The following WDR7 variants were observed in gnomAD, a reference collection of about 807,000 sequenced individuals.
WDR7 encodes the protein WD repeat domain 7.
WDR7 carries 46 observed loss-of-function variants against 169.4 expected under a neutral mutation model. The observed-to-expected ratio is 0.27, with a 90% CI of 0.21 to 0.35. The LOEUF is 0.35. Among genes scored for constraint, WDR7 ranks in the 10% least tolerant of loss-of-function variants. The probability of loss-of-function intolerance (pLI) is 1.00; values close to 1 mark genes in which losing one functional copy is unlikely to be tolerated. For missense variants in WDR7, 1,534 were observed against 1,859.3 expected (o/e 0.83, Z 3.22); for synonymous variants, 612 against 666.8 (o/e 0.92, Z 1.27).
At chr18:56,961,231 C>G (rs1434676344) in intron 25 of WDR7, among the ~76,000 whole-genome samples, 2 of 152,148 alleles carry the variant, frequency 1.3e-5, no homozygotes, top group Non-Finnish European at 2.9e-5. Context: ...TATCTTGTCT[C>G]TCTCAGCCTC....
At chr18:56,921,234 C>G (rs915564323) in intron 21 of WDR7, among the ~76,000 whole-genome samples, 7 of 152,188 alleles carry the variant, frequency 4.6e-5, no homozygotes, top group Non-Finnish European at 1.0e-4. Flanking sequence ...TAGAGATAGA[C>G]AGGGAGTTTT....
chr18:56,731,501 T>C lies in WDR7; in HGVS notation c.1893T>C (p.Ala631=). The change falls in exon 14 of 28, where the codon GCT becomes GCC. Residue 631 remains alanine, a synonymous_variant. Coordinates refer to ENST00000254442, the MANE Select transcript of WDR7 (RefSeq NM_015285.3). ...LSHPAVNLKQ[A]MTRRSLAALK... is the part of the protein sequence containing the mutation. ...ATCCAGCAGTCAACCTAAAACAAGCTATGACGAGACGTAGTCTTGCTGCTC... is the reference window on the plus strand; with the variant it reads ...ATCCAGCAGTCAACCTAAAACAAGCCATGACGAGACGTAGTCTTGCTGCTC... 1 of 1,614,152 alleles carries C rather than the reference T, an allele frequency of 6.2e-7. No individual in the cohort carries two copies.
intron 14 of WDR7, among the ~76,000 whole-genome samples, chr18:56,746,223 A>G (rs1312311111): frequency 1.3e-5 from 2 of 152,138 alleles, no homozygotes; most frequent in Non-Finnish European, 2.9e-5. Flanking sequence ...AAAATATCCA[A>G]AGATCTGTTA....
chr18:56,788,548 C>CT (rs1482939499), intron 19 of WDR7, among the ~76,000 whole-genome samples: 1 of 152,066 alleles, frequency 6.6e-6, no homozygotes, highest in Non-Finnish European at 1.5e-5. Flanking sequence ...TATACCTAAG[C>CT]TTTAGGTAAG....
At chr18:56,993,572 G>GT (rs2047848783) in intron 26 of WDR7, among the ~76,000 whole-genome samples, 1 of 152,152 alleles carries the variant, frequency 6.6e-6, no homozygotes, top group Admixed American at 6.5e-5. Context: ...ATGCAGAAAT[G>GT]TATCTAATTT....
At chr18:56,763,119 C>G (rs1489961207) in intron 16 of WDR7, among the ~76,000 whole-genome samples, 1 of 151,984 alleles carries the variant, frequency 6.6e-6, no homozygotes, top group African/African-American at 2.4e-5. Context: ...CGCACCACGC[C>G]CAGCTAATTT....
chr18:56,909,139 T>A (rs1440004655), intron 21 of WDR7, among the ~76,000 whole-genome samples: 2 of 152,142 alleles, frequency 1.3e-5, no homozygotes, highest in Non-Finnish European at 2.9e-5. Context: ...ACCCAGTTTG[T>A]TACCCAAGAT....
At chr18:56,824,553 A>T (rs1364214348) in intron 20 of WDR7, among the ~76,000 whole-genome samples, 1 of 152,226 alleles carries the variant, frequency 6.6e-6, no homozygotes, top group Admixed American at 6.5e-5. Context: ...TTACTTAAAC[A>T]CATTTGCTAT....
chr18:56,995,592 G>C (rs1303813724), intron 26 of WDR7, among the ~76,000 whole-genome samples: 2 of 152,014 alleles, frequency 1.3e-5, no homozygotes, highest in East Asian at 3.9e-4. Flanking sequence ...AACTAAATTC[G>C]TAGATTTGCT....
intron 1 of WDR7, among the ~76,000 whole-genome samples, chr18:56,670,281 T>G (rs1439482018): frequency 6.6e-6 from 1 of 152,188 alleles, no homozygotes; most frequent in Admixed American, 6.5e-5. Context: ...TTCTGAAGTT[T>G]CACTTTTATT....
chr18:56,752,306 T>G (rs2043807544), intron 14 of WDR7, among the ~76,000 whole-genome samples: 2 of 152,216 alleles, frequency 1.3e-5, no homozygotes, highest in African/African-American at 4.8e-5. Context: ...CTTCTGTCTT[T>G]GTCCTGTTTC....
At chr18:56,779,314 GTA>G in intron 17 of WDR7, 115 bp from the exon 18 acceptor site, 1 of 644,582 alleles carries the variant, frequency 1.6e-6, no homozygotes, top group Non-Finnish European at 2.6e-6. Context: ...GAAATCATTT[GTA>G]ATATAACTTA....
At chr18:56,967,667 G>C (rs536828822) in intron 26 of WDR7, among the ~76,000 whole-genome samples, 4 of 151,504 alleles carry the variant, frequency 2.6e-5, no homozygotes, top group African/African-American at 7.3e-5. Context: ...TCTTAGGCTC[G>C]TGTTAACTAG....
chr18:56,695,057 C>A lies in WDR7; in HGVS notation c.1216C>A (p.Pro406Thr). Reference protein sequence around the residue: ...QLSVIPNSNEPLKVTASVYIP... With the variant: ...QLSVIPNSNETLKVTASVYIP... ...GAGTGTGATTCCCAATAGTAATGAA[C>A]CTCTTAAAGTAACTGCAAGTGTGTA... is the stretch of plus-strand genomic sequence containing the variant. The change falls in exon 11 of 28, where the codon CCT (proline) becomes ACT (threonine). Residue 406 changes from proline (P) to threonine (T), a missense_variant. Physicochemically the swap from Pro to Thr is conservative, Grantham distance 38. Coordinates refer to ENST00000254442, the MANE Select transcript of WDR7 (RefSeq NM_015285.3). 6.2e-7 allele frequency: 1 copy of A among 1,614,142 alleles called. No individual in the cohort carries two copies.
rs1286530387 is a variant in WDR7, at chr18:56,696,408, C to T, written c.1524C>T (p.Phe508=). 2.5e-6 allele frequency: 4 copies of T among 1,613,966 alleles called. No homozygotes were observed. The highest frequency in any genetic ancestry group is 2.7e-5 in the African/African-American group (2 of 74,908). The change falls in exon 12 of 28, where the codon TTC becomes TTT. Residue 508 remains phenylalanine (F), a synonymous_variant. Coordinates refer to ENST00000254442, the MANE Select transcript of WDR7 (RefSeq NM_015285.3). ...TTTCTGGAGAAATGAAACATATCTT[C>T]TGTGTTCATGGTGGTGAGATTACTC... is the stretch of plus-strand genomic sequence containing the variant. ...DIFSGEMKHI[F]CVHGGEITQL...
chr18:56,919,165 A>G (rs1441488916), intron 21 of WDR7, among the ~76,000 whole-genome samples: 2 of 152,198 alleles, frequency 1.3e-5, no homozygotes, highest in Admixed American at 1.3e-4. Context: ...GTTTTGTTGA[A>G]ACTGGCAATA....
intron 20 of WDR7, among the ~76,000 whole-genome samples, chr18:56,837,044 T>TC (rs2045407442): frequency 1.3e-5 from 2 of 152,200 alleles, no homozygotes; most frequent in South Asian, 4.1e-4. Context: ...CTGACATCTG[T>TC]TTGAATGACA....
intron 22 of WDR7, among the ~76,000 whole-genome samples, chr18:56,928,586 T>C (rs2046838158): frequency 6.6e-6 from 1 of 152,254 alleles, no homozygotes. Flanking sequence ...GTGAGTTTTT[T>C]CTTTGTTTTA....
chr18:56,682,522 C>T (rs888495482), intron 4 of WDR7, among the ~76,000 whole-genome samples, 157 bp from the exon 5 acceptor site: 1 of 152,132 alleles, frequency 6.6e-6, no homozygotes, highest in Non-Finnish European at 1.5e-5. Flanking sequence ...CACATACACC[C>T]ATATAATATG....
Sources: allele counts gnomAD v4.1 joint callset (sites outside exome capture counted in the v4.1 genomes callset), GRCh38; gene constraint gnomAD v4.1.1; transcripts MANE v1.5; gene names NCBI Gene and HGNC (gene_info 2026-07-23, HGNC 2026-07-21).